DOK6: variants seen among roughly 807,000 people sequenced by gnomAD.
DOK6 encodes the protein docking protein 6.
Under a neutral mutation model 44.0 loss-of-function variants are expected in DOK6, and 22 were observed. That is an observed-to-expected ratio of 0.50 (90% CI 0.36 to 0.71). DOK6 has a LOEUF of 0.71. Among genes scored for constraint, DOK6 ranks in the 30% least tolerant of loss-of-function variants. DOK6 has a pLI of 0.00. For synonymous variants in DOK6, 166 were observed against 145.5 expected (o/e 1.14, Z -1.01); for missense variants, 340 against 416.4 (o/e 0.82, Z 1.60).
chr18:69,650,284 G>C (rs933794369), intron 3 of DOK6, among the ~76,000 whole-genome samples: 15 of 152,114 alleles, frequency 9.9e-5, no homozygotes, highest in African/African-American at 3.6e-4. Flanking sequence ...ACTTTATAAA[G>C]TAATCTTAAG....
intron 1 of DOK6, among the ~76,000 whole-genome samples, chr18:69,501,875 A>C (rs1226511058): frequency 1.3e-5 from 2 of 152,154 alleles, no homozygotes; most frequent in African/African-American, 4.8e-5. Flanking sequence ...AATGCAAAAA[A>C]TACAGAACAT....
intron 1 of DOK6, among the ~76,000 whole-genome samples, chr18:69,514,225 A>G (rs1196192716): frequency 6.6e-6 from 1 of 151,002 alleles, no homozygotes; most frequent in Non-Finnish European, 1.5e-5. Context: ...ATATTGAATC[A>G]AATATAAGAT....
chr18:69,694,839 CTTG>C (rs1326451546), intron 4 of DOK6, among the ~76,000 whole-genome samples: 1 of 151,990 alleles, frequency 6.6e-6, no homozygotes, highest in Non-Finnish European at 1.5e-5. Flanking sequence ...ATAATGTTTT[CTTG>C]TTGTTGTCAA....
At chr18:69,493,301 A>C (rs1045776156) in intron 1 of DOK6, among the ~76,000 whole-genome samples, 3 of 152,190 alleles carry the variant, frequency 2.0e-5, no homozygotes, top group Non-Finnish European at 4.4e-5. Flanking sequence ...GGGAGGTTCA[A>C]ACAGGCAGTA....
At chr18:69,568,396 A>G (rs1983036746) in intron 2 of DOK6, among the ~76,000 whole-genome samples, 1 of 152,184 alleles carries the variant, frequency 6.6e-6, no homozygotes, top group African/African-American at 2.4e-5. Flanking sequence ...TTTACCTTAC[A>G]CTGGACAAAA....
At chr18:69,721,755 G>C (rs1978289020) in intron 5 of DOK6, among the ~76,000 whole-genome samples, 1 of 152,100 alleles carries the variant, frequency 6.6e-6, no homozygotes, top group South Asian at 2.1e-4. Flanking sequence ...ATACATTAAT[G>C]AGAATAAAAA....
intron 1 of DOK6, among the ~76,000 whole-genome samples, chr18:69,455,180 GAAAA>G (rs1979598309): frequency 9.2e-6 from 1 of 108,334 alleles, no homozygotes; most frequent in Non-Finnish European, 1.9e-5. Context: ...AAAAAGAAAA[GAAAA>G]AGAAAAAAGG....
intron 2 of DOK6, among the ~76,000 whole-genome samples, chr18:69,589,333 A>G (rs1476570661): frequency 6.6e-6 from 1 of 152,066 alleles, no homozygotes; most frequent in African/African-American, 2.4e-5. Flanking sequence ...GTACTATTTT[A>G]CTCTCAAAAG....
At chr18:69,532,791 G>A (rs1056874523) in intron 1 of DOK6, 4 of 152,260 alleles carry the variant, frequency 2.6e-5, no homozygotes, top group African/African-American at 7.2e-5. Flanking sequence ...GAGCCTGGAA[G>A]GTTGAGGCTG....
At chr18:69,439,820 CT>C (rs568935465) in intron 1 of DOK6, among the ~76,000 whole-genome samples, 3 of 152,318 alleles carry the variant, frequency 2.0e-5, no homozygotes, top group Admixed American at 2.0e-4. Flanking sequence ...ATTTCACTTT[CT>C]TATGATTCAT....
intron 7 of DOK6, among the ~76,000 whole-genome samples, chr18:69,809,458 G>GA (rs1599337135): frequency 6.6e-6 from 1 of 151,072 alleles, no homozygotes; most frequent in Admixed American, 6.6e-5. Context: ...TAAGCAGGAA[G>GA]AAAAAAGAAA....
At chr18:69,567,323 A>G (rs1440904195) in intron 2 of DOK6, among the ~76,000 whole-genome samples, 1 of 149,062 alleles carries the variant, frequency 6.7e-6, no homozygotes, top group Non-Finnish European at 1.5e-5. Flanking sequence ...TTATTTTTTA[A>G]AAAAATAGGA....
chr18:69,768,429 T>C (rs982487463), intron 7 of DOK6, among the ~76,000 whole-genome samples: 2 of 151,900 alleles, frequency 1.3e-5, no homozygotes, highest in African/African-American at 4.8e-5. Context: ...GCTTCACAAA[T>C]TGTAAACTAC....
At chr18:69,696,923 C>A (rs1009618919) in intron 4 of DOK6, among the ~76,000 whole-genome samples, 2 of 152,180 alleles carry the variant, frequency 1.3e-5, no homozygotes, top group Non-Finnish European at 2.9e-5. Context: ...CTTTCTTCAG[C>A]TTTTAGCCAT....
At position 69,430,605 on chromosome 18, in the gene DOK6, A is replaced by G. The variant is rs145051284; in HGVS notation, c.66+29295A>G. Among the ~76,000 whole-genome samples, 158 of 152,312 alleles carry G rather than the reference A, an allele frequency of 1.0e-3. 1 individual carries two copies. The East Asian group carries it at 0.025, about 24-fold the overall frequency. The stretch of plus-strand genomic sequence containing the variant: ...TTCTTTCCCTAATTGGAATACATAC[A>G]TAATTTTATTTTGCAAAAATAGCAG... On this transcript the variant is annotated intron_variant, in intron 1 of 7. Transcript: ENST00000382713.
At chr18:69,510,663 C>T (rs11662320) in intron 1 of DOK6, among the ~76,000 whole-genome samples, 36,547 of 152,080 alleles carry the variant, frequency 0.24, 4,575 homozygotes, top group Non-Finnish European at 0.26. Flanking sequence ...AATGGTGAAA[C>T]TGTCTTTACT....
intron 7 of DOK6, among the ~76,000 whole-genome samples, chr18:69,770,024 T>A (rs961553003): frequency 1.3e-5 from 2 of 152,176 alleles, no homozygotes; most frequent in African/African-American, 2.4e-5. Context: ...ATGAACAAGA[T>A]ATTATGCTAG....
chr18:69,489,869 A>G, intron 1 of DOK6, among the ~76,000 whole-genome samples: 1 of 152,046 alleles, frequency 6.6e-6, no homozygotes, highest in East Asian at 1.9e-4. Flanking sequence ...TATTTCCTCT[A>G]AAATACATTA....
intron 7 of DOK6, among the ~76,000 whole-genome samples, chr18:69,801,434 AAATATCGG>A (rs1254973377): frequency 1.3e-5 from 2 of 152,236 alleles, no homozygotes; most frequent in African/African-American, 4.8e-5. Context: ...CAAGGCCACC[AAATATCGG>A]AAGATTATGT....
Sources: allele counts gnomAD v4.1 joint callset (sites outside exome capture counted in the v4.1 genomes callset), GRCh38; gene constraint gnomAD v4.1.1; transcripts MANE v1.5; gene names NCBI Gene and HGNC (gene_info 2026-07-23, HGNC 2026-07-21).